TENM3: variants seen among roughly 807,000 people sequenced by gnomAD.
The protein encoded by TENM3 is teneurin transmembrane protein 3.
TENM3 carries 63 observed loss-of-function variants against 255.1 expected under a neutral mutation model. The observed-to-expected ratio is 0.25, with a 90% CI of 0.20 to 0.30. The LOEUF is 0.30. Ranked by LOEUF, TENM3 falls within the 10% of genes least tolerant of loss-of-function variation. The pLI is 1.00. For missense variants in TENM3, 2,929 were observed against 3,461.1 expected (o/e 0.85, Z 3.86); for synonymous variants, 1,306 against 1,322.3 (o/e 0.99, Z 0.27).
At chr4:181,611,441 G>C in the TENM3 span, among the ~76,000 whole-genome samples, 2 of 151,942 alleles carry the variant, frequency 1.3e-5, no homozygotes, top group African/African-American at 2.4e-5. Context: ...CCTCTTCTGC[G>C]TTTTTTCTTT....
the TENM3 span, among the ~76,000 whole-genome samples, chr4:181,702,721 A>G: frequency 0.16 from 24,212 of 152,184 alleles, 2,338 homozygotes; most frequent in African/African-American, 0.28. Flanking sequence ...CATTAACATA[A>G]TTAGTCCTCA....
At chr4:181,810,887 T>C in the TENM3 span, among the ~76,000 whole-genome samples, 1 of 152,084 alleles carries the variant, frequency 6.6e-6, no homozygotes, top group Non-Finnish European at 1.5e-5. Context: ...GGGAAGATGA[T>C]GTAGCATCCC....
intron 1 of TENM3, among the ~76,000 whole-genome samples, chr4:182,226,347 T>C (rs887456189): frequency 6.6e-6 from 1 of 152,154 alleles, no homozygotes; most frequent in African/African-American, 2.4e-5. Flanking sequence ...AAGTGATCTA[T>C]TTATTCTTGA....
At chr4:182,225,776 T>C (rs1414104049) in intron 1 of TENM3, among the ~76,000 whole-genome samples, 1 of 152,118 alleles carries the variant, frequency 6.6e-6, no homozygotes, top group Non-Finnish European at 1.5e-5. Flanking sequence ...GAAAGTGGCT[T>C]TCTTATCTAA....
chr4:182,511,429 A>C (rs1224935990), intron 3 of TENM3, among the ~76,000 whole-genome samples: 1 of 152,168 alleles, frequency 6.6e-6, no homozygotes, highest in Non-Finnish European at 1.5e-5. Context: ...AGAGTAATTA[A>C]ATTGATAATT....
chr4:182,390,645 T>A (rs2150978943), intron 3 of TENM3, among the ~76,000 whole-genome samples: 1 of 152,308 alleles, frequency 6.6e-6, no homozygotes, highest in Non-Finnish European at 1.5e-5. Context: ...CTACTGACAC[T>A]CTCCTACCGC....
At chr4:182,267,744 A>G (rs1054022058) in intron 1 of TENM3, among the ~76,000 whole-genome samples, 2 of 152,150 alleles carry the variant, frequency 1.3e-5, no homozygotes, top group Non-Finnish European at 2.9e-5. Context: ...TATGTGAAAA[A>G]TAATTATTTC....
Position 182,792,621 on chromosome 4 carries a change from G to A in TENM3, c.5949G>A (p.Gln1983=). 6.2e-7 allele frequency: 1 copy of A among 1,613,954 alleles called. No individual in the cohort carries two copies. Among genetic ancestry groups the A allele is most frequent in the Non-Finnish European group, 8.5e-7 (1 of 1,179,860 alleles). Residue 1983 remains glutamine, a synonymous_variant, in exon 26 of 28, where the codon CAG becomes CAA. Coordinates refer to ENST00000511685, the MANE Select transcript of TENM3 (RefSeq NM_001080477.4). The surrounding 1 kb of genome is among the most constrained non-coding windows in gnomAD (Gnocchi z 6.3). The part of the protein sequence containing the change: ...TAGVLKTVNL[Q]SDGFICTIRY... ...GAGTCCTAAAGACAGTAAACCTCCA[G>A]AGTGATGGTTTTATTTGCACCATTA... is the stretch of plus-strand genomic sequence containing the variant.
At chr4:182,503,083 C>A (rs1212043636) in intron 3 of TENM3, among the ~76,000 whole-genome samples, 1 of 152,056 alleles carries the variant, frequency 6.6e-6, no homozygotes, top group East Asian at 1.9e-4. Context: ...TCAACTATTC[C>A]TTATTTCAAG....
the TENM3 span, among the ~76,000 whole-genome samples, chr4:181,463,238 CA>C: frequency 6.6e-6 from 1 of 152,160 alleles, no homozygotes; most frequent in African/African-American, 2.4e-5. Flanking sequence ...TTTTCTTTAA[CA>C]TCCATGTCAA....
chr4:181,503,980 A>G, the TENM3 span, among the ~76,000 whole-genome samples: 1 of 152,318 alleles, frequency 6.6e-6, no homozygotes, highest in African/African-American at 2.4e-5. Flanking sequence ...TGACAGCAGC[A>G]TTTCCACTTT....
chr4:182,495,712 G>A (rs1407398441), intron 3 of TENM3, among the ~76,000 whole-genome samples: 1 of 152,178 alleles, frequency 6.6e-6, no homozygotes, highest in Non-Finnish European at 1.5e-5. Context: ...CGTTTTATGT[G>A]TATTGGCCTT....
At chr4:182,368,831 T>C (rs563680154) in intron 3 of TENM3, among the ~76,000 whole-genome samples, 5 of 152,310 alleles carry the variant, frequency 3.3e-5, no homozygotes, top group Admixed American at 3.3e-4. Flanking sequence ...TTGACAGCTG[T>C]CAGGCAAGAT....
chr4:181,548,200 T>C, the TENM3 span, among the ~76,000 whole-genome samples: 1 of 152,212 alleles, frequency 6.6e-6, no homozygotes, highest in Non-Finnish European at 1.5e-5. Context: ...GGAACATTTT[T>C]ACACTGTTAG....
the TENM3 span, among the ~76,000 whole-genome samples, chr4:181,490,418 A>G: frequency 6.6e-6 from 1 of 152,212 alleles, no homozygotes. Context: ...TCAATAACGT[A>G]TCTGGGACAA....
chr4:181,949,294 A>G, the TENM3 span, among the ~76,000 whole-genome samples: 1,873 of 152,296 alleles, frequency 0.012, 38 homozygotes, highest in African/African-American at 0.042. Context: ...TCATCTTCTT[A>G]ATAGAACAAC....
chr4:181,509,832 C>T, the TENM3 span, among the ~76,000 whole-genome samples: 6 of 152,180 alleles, frequency 3.9e-5, no homozygotes, highest in East Asian at 1.2e-3. Flanking sequence ...AGAGTGAATC[C>T]ATCCTTCCCC....
At chr4:182,705,826 G>C (rs1426523741) in intron 12 of TENM3, among the ~76,000 whole-genome samples, 7 of 152,032 alleles carry the variant, frequency 4.6e-5, no homozygotes, top group Non-Finnish European at 8.8e-5. Context: ...GAGGCTTTTT[G>C]GTTTCTGGTT....
chr4:182,059,749 AAAAAAAAAAAAAAG>A, the TENM3 span, among the ~76,000 whole-genome samples: 2,304 of 136,386 alleles, frequency 0.017, 52 homozygotes, highest in African/African-American at 0.074. Context: ...TCTCTACAAA[AAAAAAAAAAAAAAG>A]AAAAAAAAAA....
Sources: gnomAD v4.1 joint callset for allele counts (sites outside exome capture counted in the v4.1 genomes callset) on GRCh38, gnomAD v4.1.1 for gene constraint, Gnocchi (gnomAD v3.1) non-coding constraint, MANE v1.5 for transcripts, NCBI Gene and HGNC (gene_info 2026-07-23, HGNC 2026-07-21) for gene names.